The following ELMO1 variants were observed in gnomAD, a reference collection of about 807,000 sequenced individuals.
ELMO1 encodes engulfment and cell motility protein 1.
ELMO1 carries 26 observed loss-of-function variants against 98.9 expected under a neutral mutation model. That is an observed-to-expected ratio of 0.26 (90% CI 0.19 to 0.36). The LOEUF is 0.36. Ranked by LOEUF, ELMO1 falls within the 10% of genes least tolerant of loss-of-function variation. The pLI is 1.00. For missense variants in ELMO1, 627 were observed against 935.2 expected (o/e 0.67, Z 4.30); for synonymous variants, 346 against 346.0 (o/e 1.00, Z 0.00).
chr7:36,858,205 C>T (rs958857085), intron 21 of ELMO1, among the ~76,000 whole-genome samples: 9 of 152,024 alleles, frequency 5.9e-5, no homozygotes, highest in African/African-American at 1.2e-4. Context: ...GTTGATGAGG[C>T]CAGTTTCTCT....
chr7:37,204,279 G>T, intron 13 of ELMO1: 1 of 452,258 alleles, frequency 2.2e-6, no homozygotes, highest in Non-Finnish European at 4.4e-6. Flanking sequence ...TCCAGAGTTT[G>T]TTCCTTCTGA....
At chr7:37,157,601 G>A (rs1474859972) in intron 13 of ELMO1, among the ~76,000 whole-genome samples, 1 of 152,110 alleles carries the variant, frequency 6.6e-6, no homozygotes, top group Non-Finnish European at 1.5e-5. Flanking sequence ...CAACTTACAA[G>A]GGATGTGAAG....
intron 2 of ELMO1, among the ~76,000 whole-genome samples, chr7:37,340,479 T>C (rs985721516): frequency 1.3e-5 from 2 of 152,156 alleles, no homozygotes; most frequent in East Asian, 1.9e-4. Flanking sequence ...GGAAGGAGAC[T>C]GAGGAAACGT....
intron 15 of ELMO1, among the ~76,000 whole-genome samples, chr7:37,074,819 T>C (rs1028558251): frequency 1.1e-4 from 16 of 152,142 alleles, no homozygotes; most frequent in African/African-American, 3.6e-4. Context: ...TGCAAGCTGA[T>C]TTTGGTTGTT....
At chr7:36,948,980 C>T (rs1315973670) in intron 16 of ELMO1, among the ~76,000 whole-genome samples, 1 of 152,092 alleles carries the variant, frequency 6.6e-6, no homozygotes, top group Non-Finnish European at 1.5e-5. Flanking sequence ...CTCAGCTTCC[C>T]GAGTAGCTGG....
intron 18 of ELMO1, among the ~76,000 whole-genome samples, chr7:36,879,261 A>G (rs941158295): frequency 1.3e-5 from 2 of 152,174 alleles, no homozygotes; most frequent in Non-Finnish European, 2.9e-5. Context: ...TGACACATAA[A>G]AGTTGCACAG....
intron 15 of ELMO1, among the ~76,000 whole-genome samples, chr7:37,045,470 A>T (rs962653394): frequency 1.3e-5 from 2 of 152,160 alleles, no homozygotes; most frequent in Non-Finnish European, 2.9e-5. Flanking sequence ...TTATTATTTT[A>T]AAAAACTTCT....
At chr7:37,149,057 ACGAC>A (rs1788189179) in intron 13 of ELMO1, among the ~76,000 whole-genome samples, 1 of 152,186 alleles carries the variant, frequency 6.6e-6, no homozygotes, top group African/African-American at 2.4e-5. Context: ...CTGGTGAGGA[ACGAC>A]CATCAGCATG....
At chr7:37,395,232 TAGTG>T (rs2131435105) in intron 1 of ELMO1, among the ~76,000 whole-genome samples, 1 of 152,126 alleles carries the variant, frequency 6.6e-6, no homozygotes, top group African/African-American at 2.4e-5. Flanking sequence ...CTGGGCGTAG[TAGTG>T]CATGCCTGTA....
At chr7:37,096,831 C>A (rs1166975146) in intron 14 of ELMO1, 104 bp from the exon 15 acceptor site, 2 of 1,082,150 alleles carry the variant, frequency 1.8e-6, no homozygotes, top group South Asian at 1.3e-5. Context: ...CACTTCAGAT[C>A]CCCAAACGAA....
chr7:37,003,491 C>T (rs574852461), intron 16 of ELMO1, among the ~76,000 whole-genome samples: 15 of 152,180 alleles, frequency 9.9e-5, no homozygotes, highest in Non-Finnish European at 1.8e-4. Flanking sequence ...AATGACTTGG[C>T]TCTATGCTGG....
At chr7:36,950,895 G>A (rs547630204) in intron 16 of ELMO1, among the ~76,000 whole-genome samples, 1 of 152,248 alleles carries the variant, frequency 6.6e-6, no homozygotes, top group South Asian at 2.1e-4. Flanking sequence ...CCGAGAGGGC[G>A]TGTCTGCTTC....
At chr7:37,123,831 C>T (rs1470692817) in intron 14 of ELMO1, among the ~76,000 whole-genome samples, 3 of 151,962 alleles carry the variant, frequency 2.0e-5, no homozygotes, top group Non-Finnish European at 2.9e-5. Flanking sequence ...AGAGACACAA[C>T]AAAAAAAGAG....
chr7:37,230,207 C>A (rs1308734402), intron 8 of ELMO1, among the ~76,000 whole-genome samples: 4 of 152,088 alleles, frequency 2.6e-5, no homozygotes, highest in Non-Finnish European at 5.9e-5. Flanking sequence ...AAGAAAGCCA[C>A]GTTTCTGCCT....
At chr7:36,914,747 C>T (rs952579997) in intron 16 of ELMO1, among the ~76,000 whole-genome samples, 2 of 152,052 alleles carry the variant, frequency 1.3e-5, no homozygotes, top group Admixed American at 6.5e-5. Context: ...CTTTTGACCT[C>T]GTGATCTGCC....
At chr7:37,328,383 C>CAAAAA (rs10669717) in intron 2 of ELMO1, among the ~76,000 whole-genome samples, 4,319 of 64,542 alleles carry the variant, frequency 0.067, 792 homozygotes, top group East Asian at 0.16. Context: ...GACCCTGCCA[C>CAAAAA]AAAAAAAAAA....
chr7:37,408,468 C>T (rs1327940039), intron 1 of ELMO1, among the ~76,000 whole-genome samples: 1 of 152,164 alleles, frequency 6.6e-6, no homozygotes, highest in Admixed American at 6.5e-5. Flanking sequence ...ACTGTGTACA[C>T]TGCAGCGTTA....
intron 5 of ELMO1, among the ~76,000 whole-genome samples, chr7:37,268,729 C>G (rs114239852): frequency 1.6e-3 from 245 of 152,306 alleles, no homozygotes; most frequent in African/African-American, 5.6e-3. Flanking sequence ...ATGTACAAGG[C>G]CTATTACAAA....
At chr7:36,920,146 T>C (rs937567297) in intron 16 of ELMO1, among the ~76,000 whole-genome samples, 8 of 152,240 alleles carry the variant, frequency 5.3e-5, no homozygotes, top group African/African-American at 1.9e-4. Context: ...AATATGCCCC[T>C]TGGCCAGGCC....
Sources: gnomAD v4.1 joint callset for allele counts (sites outside exome capture counted in the v4.1 genomes callset) on GRCh38, gnomAD v4.1.1 for gene constraint, MANE v1.5 for transcripts, NCBI Gene and HGNC (gene_info 2026-07-23, HGNC 2026-07-21) for gene names.